The following SETD3 variants were observed in gnomAD, a reference collection of about 807,000 sequenced individuals.
The protein encoded by SETD3 is actin-histidine N-methyltransferase.
In SETD3, 19 loss-of-function variants were observed where a neutral mutation model predicts 63.0. The observed-to-expected ratio is 0.30, with a 90% CI of 0.21 to 0.44. SETD3 has a LOEUF of 0.44. Among genes scored for constraint, SETD3 ranks in the 20% least tolerant of loss-of-function variants. The pLI is 1.00. For missense variants in SETD3, 587 were observed against 728.5 expected (o/e 0.81, Z 2.24); for synonymous variants, 286 against 264.1 (o/e 1.08, Z -0.80).
intron 1 of SETD3, among the ~76,000 whole-genome samples, chr14:99,475,081 C>T (rs1222596271): frequency 6.6e-6 from 1 of 152,128 alleles, no homozygotes; most frequent in Non-Finnish European, 1.5e-5. Flanking sequence ...CATGAATAAT[C>T]ATTTCCTATT....
chr14:99,404,140 A>T, intron 11 of SETD3, 85 bp downstream of exon 11: 1 of 1,057,488 alleles, frequency 9.5e-7, no homozygotes, highest in Non-Finnish European at 1.4e-6. Flanking sequence ...AATCCACTTT[A>T]CCTTTAATCT....
At chr14:99,450,368 TCTGTCAGAGACAA>T (rs1425938618) in intron 6 of SETD3, among the ~76,000 whole-genome samples, 1 of 152,238 alleles carries the variant, frequency 6.6e-6, no homozygotes, top group Non-Finnish European at 1.5e-5. Flanking sequence ...CTTGTGTAGC[TCTGTCAGAGACAA>T]GTAGAACAGC....
At chr14:99,431,791 C>A (rs1038647409) in intron 6 of SETD3, among the ~76,000 whole-genome samples, 7 of 152,146 alleles carry the variant, frequency 4.6e-5, no homozygotes, top group Non-Finnish European at 8.8e-5. Flanking sequence ...TAAAACAAGA[C>A]CCTAGCGTCT....
At chr14:99,415,103 T>A (rs979363043) in intron 6 of SETD3, among the ~76,000 whole-genome samples, 1 of 152,256 alleles carries the variant, frequency 6.6e-6, no homozygotes, top group Non-Finnish European at 1.5e-5. Flanking sequence ...CAATTAAGTG[T>A]TAGTTTTGCT....
rs1894871729 is a variant in SETD3 at position 99,458,272 on chromosome 14, T to C, written c.675+7A>G. The C allele has an allele frequency of 1.2e-6, 2 of 1,608,874 alleles. No homozygotes were observed. Among genetic ancestry groups the C allele is most frequent in the East Asian group, 4.5e-5 (2 of 44,760 alleles). ...AATATATACTTAAATTGCAAACAGC[T>C]GCTCACCTGGATGACTTTATAGAAG... On this transcript the variant is annotated splice_region_variant and intron_variant, in intron 6 of 12. Coordinates refer to ENST00000331768, the MANE Select transcript of SETD3 (RefSeq NM_032233.3).
At chr14:99,403,198 G>A (rs532213498) in intron 11 of SETD3, among the ~76,000 whole-genome samples, 1 of 152,230 alleles carries the variant, frequency 6.6e-6, no homozygotes, top group South Asian at 2.1e-4. Context: ...GTCAAACCCT[G>A]GACTTGTGCT....
intron 1 of SETD3, among the ~76,000 whole-genome samples, chr14:99,472,586 T>C (rs1895762319): frequency 6.6e-6 from 1 of 152,238 alleles, no homozygotes; most frequent in Non-Finnish European, 1.5e-5. Context: ...TAAACATTCA[T>C]CAATTTCCCA....
chr14:99,409,724 G>C (rs1250477485), intron 8 of SETD3: 1 of 151,936 alleles, frequency 6.6e-6, no homozygotes, highest in Non-Finnish European at 1.5e-5. Context: ...TTTCATGGGG[G>C]GGGGGAGGAT....
At chr14:99,466,892 G>A (rs916609898) in intron 1 of SETD3, among the ~76,000 whole-genome samples, 1 of 152,202 alleles carries the variant, frequency 6.6e-6, no homozygotes, top group African/African-American at 2.4e-5. Flanking sequence ...CACGAGGATG[G>A]CCTCCAGGAG....
Position 99,400,278 on chromosome 14 carries a change from G to A in SETD3, c.1178-19C>T. On this transcript the variant is annotated intron_variant, in intron 11 of 12. Coordinates refer to ENST00000331768, the MANE Select transcript of SETD3 (RefSeq NM_032233.3). ...AGTTCTTCTACAAGAAATACAAATGGCAATCTGTTAGGAGGAAAACATAGC... is the reference window on the plus strand; with the variant it reads ...AGTTCTTCTACAAGAAATACAAATGACAATCTGTTAGGAGGAAAACATAGC... 1 of 1,607,006 alleles carries A rather than the reference G, an allele frequency of 6.2e-7. No individual in the cohort carries two copies. The highest frequency in any genetic ancestry group is 8.5e-7 in the Non-Finnish European group (1 of 1,176,818).
intron 6 of SETD3, among the ~76,000 whole-genome samples, chr14:99,449,330 T>C (rs899497268): frequency 6.6e-6 from 1 of 152,222 alleles, no homozygotes; most frequent in Non-Finnish European, 1.5e-5. Context: ...GACATTTGCA[T>C]AGTCTCAAAG....
chr14:99,475,820 G>A (rs936290393), intron 1 of SETD3, among the ~76,000 whole-genome samples: 3 of 152,146 alleles, frequency 2.0e-5, no homozygotes, highest in Admixed American at 2.0e-4. Context: ...CACATTTCCT[G>A]AGAATCTAAT....
At chr14:99,470,292 G>A (rs938891815) in intron 1 of SETD3, among the ~76,000 whole-genome samples, 4 of 152,184 alleles carry the variant, frequency 2.6e-5, no homozygotes, top group Non-Finnish European at 5.9e-5. Flanking sequence ...GTAAGAAAGG[G>A]TCAAACTCAA....
At chr14:99,481,463 C>G (rs1884042749), upstream of SETD3, 1 of 398,586 alleles carries the variant, frequency 2.5e-6, no homozygotes, top group Non-Finnish European at 4.4e-6. Context: ...CGCTGAGGGG[C>G]TTGCCTGAAG....
At chr14:99,414,012 A>C (rs1162038679) in intron 6 of SETD3, 78 bp from the exon 7 acceptor site, 4 of 1,334,736 alleles carry the variant, frequency 3.0e-6, no homozygotes, top group Non-Finnish European at 4.3e-6. Context: ...GAATTTCATT[A>C]TTTAGCTGCC....
chr14:99,449,393 T>C (rs1401658191), intron 6 of SETD3, among the ~76,000 whole-genome samples: 1 of 152,222 alleles, frequency 6.6e-6, no homozygotes. Context: ...TAACTTCTGA[T>C]GGAAAAACCA....
At chr14:99,475,394 C>G (rs1031953216) in intron 1 of SETD3, among the ~76,000 whole-genome samples, 1 of 152,368 alleles carries the variant, frequency 6.6e-6, no homozygotes, top group East Asian at 1.9e-4. Context: ...TTAACAAACA[C>G]AGCCTAAGGC....
At chr14:99,407,805 G>A (rs1035200881) in intron 8 of SETD3, among the ~76,000 whole-genome samples, 11 of 152,058 alleles carry the variant, frequency 7.2e-5, no homozygotes, top group Admixed American at 1.3e-4. Context: ...CTGCCTCCCC[G>A]TCGGTCACAC....
At chr14:99,461,105 C>T (rs1895038619) in intron 4 of SETD3, 87 bp downstream of exon 4, 3 of 1,472,686 alleles carry the variant, frequency 2.0e-6, no homozygotes, top group Non-Finnish European at 2.8e-6. Flanking sequence ...TCCCCCACCA[C>T]ACGTCTACCT....
Sources: allele counts gnomAD v4.1 joint callset (sites outside exome capture counted in the v4.1 genomes callset), GRCh38; gene constraint gnomAD v4.1.1; transcripts MANE v1.5; gene names NCBI Gene and HGNC (gene_info 2026-07-23, HGNC 2026-07-21).